Variants in SHISA9 observed in about 807,000 individuals in gnomAD.
The protein encoded by SHISA9 is protein shisa-9.
A neutral mutation model predicts 38.0 loss-of-function variants in SHISA9; 13 were observed. The ratio of observed to expected loss-of-function variants is 0.34; its 90% CI spans 0.22 to 0.54. The LOEUF (loss-of-function observed/expected upper bound fraction) is 0.54. Among genes scored for constraint, SHISA9 ranks in the 20% least tolerant of loss-of-function variants. The pLI, the probability that SHISA9 is intolerant of heterozygous loss-of-function variation, is 0.91. For synonymous variants in SHISA9, 275 were observed against 242.0 expected (o/e 1.14, Z -1.27); for missense variants, 538 against 575.8 (o/e 0.93, Z 0.67).
the SHISA9 span, among the ~76,000 whole-genome samples, chr16:13,470,212 C>T: frequency 6.6e-6 from 1 of 151,976 alleles, no homozygotes; most frequent in Non-Finnish European, 1.5e-5. Context: ...ATTAGACATC[C>T]CTCACATGTG....
intron 2 of SHISA9, among the ~76,000 whole-genome samples, chr16:12,984,421 T>G (rs1473883366): frequency 6.6e-6 from 1 of 152,206 alleles, no homozygotes; most frequent in Non-Finnish European, 1.5e-5. Context: ...AAATTCTCTC[T>G]TATTTACTGA....
intron 2 of SHISA9, among the ~76,000 whole-genome samples, chr16:12,953,765 G>A (rs1446570558): frequency 1.3e-5 from 2 of 152,186 alleles, no homozygotes; most frequent in African/African-American, 4.8e-5. Flanking sequence ...AAGAAAGGAG[G>A]TTTAATTGAC....
At chr16:12,937,355 T>G (rs1331178058) in intron 2 of SHISA9, among the ~76,000 whole-genome samples, 1 of 152,214 alleles carries the variant, frequency 6.6e-6, no homozygotes, top group Non-Finnish European at 1.5e-5. Flanking sequence ...CTAATTCTCC[T>G]CTCCAGAGTC....
chr16:13,310,000 G>T, the SHISA9 span, among the ~76,000 whole-genome samples: 1 of 152,100 alleles, frequency 6.6e-6, no homozygotes, highest in Non-Finnish European at 1.5e-5. Context: ...TGATTCTCCT[G>T]CCTCAGCCCT....
At chr16:13,121,226 C>T (rs754816209) in intron 2 of SHISA9, among the ~76,000 whole-genome samples, 3 of 152,056 alleles carry the variant, frequency 2.0e-5, no homozygotes, top group South Asian at 2.1e-4. Context: ...TGGTGGCTCA[C>T]GCCCGTAATC....
the SHISA9 span, among the ~76,000 whole-genome samples, chr16:13,489,412 T>C: frequency 6.6e-6 from 1 of 152,078 alleles, no homozygotes; most frequent in African/African-American, 2.4e-5. Flanking sequence ...TGTGTGTATA[T>C]ATTTTTTTTC....
At chr16:13,110,830 T>G (rs1431270492) in intron 2 of SHISA9, among the ~76,000 whole-genome samples, 1 of 152,240 alleles carries the variant, frequency 6.6e-6, no homozygotes, top group Non-Finnish European at 1.5e-5. Context: ...TCATTTAAAT[T>G]GAACAGATGC....
At chr16:12,998,147 G>A (rs1312179382) in intron 2 of SHISA9, among the ~76,000 whole-genome samples, 1 of 152,188 alleles carries the variant, frequency 6.6e-6, no homozygotes, top group African/African-American at 2.4e-5. Context: ...TCTTAGAGCT[G>A]AACACGCCTA....
chr16:12,978,806 T>C (rs1296717700), intron 2 of SHISA9, among the ~76,000 whole-genome samples: 1 of 152,126 alleles, frequency 6.6e-6, no homozygotes, highest in Non-Finnish European at 1.5e-5. Flanking sequence ...GATTGATGAG[T>C]GGCTGGAGGG....
chr16:13,107,085 C>T (rs1200415650), intron 2 of SHISA9, among the ~76,000 whole-genome samples: 1 of 151,776 alleles, frequency 6.6e-6, no homozygotes, highest in South Asian at 2.1e-4. Context: ...AAATGGTGAG[C>T]TTTGCGTTTA....
the SHISA9 span, among the ~76,000 whole-genome samples, chr16:13,440,002 C>T: frequency 6.6e-4 from 100 of 152,310 alleles, 1 homozygote; most frequent in East Asian, 0.017. Flanking sequence ...AATACTCAGG[C>T]AGCCGCGCCT....
In SHISA9 at chr16:13,038,611, T is replaced by C. The variant is rs565440929; in HGVS notation, c.691+121796T>C. Among the ~76,000 whole-genome samples the C allele has an allele frequency of 5.9e-5, 9 of 152,360 alleles. No homozygotes were observed. The South Asian group carries it at 1.9e-3, about 32-fold the overall frequency. On this transcript the variant is annotated intron_variant, in intron 2 of 4. Transcript: ENST00000558583. ...GATCATCTCGCAGTTCATTCTTATA[T>C]AACCTCCAGATTTCAGCTCAATCAT...
At chr16:13,554,384 A>G in the SHISA9 span, among the ~76,000 whole-genome samples, 6 of 151,782 alleles carry the variant, frequency 4.0e-5, no homozygotes, top group African/African-American at 1.2e-4. Flanking sequence ...CTTATATGCT[A>G]CAAGTCTGGT....
At chr16:13,241,442 G>T (rs2051434683), downstream of SHISA9, among the ~76,000 whole-genome samples, 1 of 151,358 alleles carries the variant, frequency 6.6e-6, no homozygotes, top group African/African-American at 2.4e-5. Flanking sequence ...GGAGGCGGAG[G>T]TTGCGGTGAG....
intron 2 of SHISA9, among the ~76,000 whole-genome samples, chr16:12,955,467 T>C (rs767192215): frequency 1.1e-4 from 17 of 151,828 alleles, no homozygotes; most frequent in Non-Finnish European, 1.6e-4. Flanking sequence ...CCCAAAGACC[T>C]TGAGTTTGCT....
chr16:13,368,116 G>C, the SHISA9 span, among the ~76,000 whole-genome samples: 1 of 152,036 alleles, frequency 6.6e-6, no homozygotes, highest in Non-Finnish European at 1.5e-5. Flanking sequence ...ATTCAACCAG[G>C]TCAATCAACC....
the SHISA9 span, among the ~76,000 whole-genome samples, chr16:13,407,353 C>A: frequency 1.3e-5 from 2 of 152,072 alleles, no homozygotes; most frequent in African/African-American, 4.8e-5. Context: ...ATGCTTTGTG[C>A]ATTCACGTGG....
the SHISA9 span, among the ~76,000 whole-genome samples, chr16:13,546,210 T>G: frequency 9.1e-6 from 1 of 110,410 alleles, no homozygotes; most frequent in African/African-American, 3.7e-5. Context: ...GTGCTACAAC[T>G]TTAGTCCAAG....
At chr16:13,256,399 C>T in the SHISA9 span, among the ~76,000 whole-genome samples, 8 of 152,248 alleles carry the variant, frequency 5.3e-5, no homozygotes, top group African/African-American at 7.2e-5. Flanking sequence ...CTCCTGCCTC[C>T]GCCTCTCAAG....
Sources: gnomAD v4.1 joint callset for allele counts (sites outside exome capture counted in the v4.1 genomes callset) on GRCh38, gnomAD v4.1.1 for gene constraint, MANE v1.5 for transcripts, NCBI Gene and HGNC (gene_info 2026-07-23, HGNC 2026-07-21) for gene names.